The following ZNF100 variants were observed in gnomAD, a reference collection of about 807,000 sequenced individuals.
ZNF100 encodes zinc finger protein 100 (Y1).
A neutral mutation model predicts 15.8 loss-of-function variants in ZNF100; 12 were observed. The observed-to-expected ratio is 0.76, with a 90% CI of 0.49 to 1.23. The LOEUF (loss-of-function observed/expected upper bound fraction) is 1.23, where lower values mean the gene tolerates loss of function less well. Among genes scored for constraint, ZNF100 ranks in the 50% most tolerant of loss-of-function variants. The pLI is 0.00. For missense variants in ZNF100, 670 were observed against 635.6 expected, an observed-to-expected ratio of 1.05 and a Z score of -0.58; for synonymous variants, 226 against 214.8, an observed-to-expected ratio of 1.05 and a Z score of -0.45.
At chr19:21,744,696 G>A (rs2036179914) in intron 3 of ZNF100, among the ~76,000 whole-genome samples, 1 of 152,024 alleles carries the variant, frequency 6.6e-6, no homozygotes, top group African/African-American at 2.4e-5. Flanking sequence ...AATATTTTAT[G>A]ACACTAAATT....
rs1429673114 is a variant in ZNF100 at position 21,725,111 on chromosome 19, T to C, written c.*1572A>G. On this transcript the variant is annotated 3_prime_UTR_variant, in exon 5 of 5. Coordinates refer to ENST00000358296, the MANE Select transcript of ZNF100 (RefSeq NM_173531.4). ...ACAGAAATAATATTCTTTAACTTAT[T>C]TGCAGTCAAAGCCACTAGCAAAAGA... 4.6e-5 allele frequency: 7 copies of C among 152,134 alleles called. No homozygotes were observed. The highest frequency in any genetic ancestry group is 2.0e-4 in the Admixed American group (3 of 15,244). The allele number at this position is 152,134 out of a possible 1,614,324, so 9.4% of individuals were successfully genotyped here.
At chr19:21,745,516 T>TC (rs1204832422) in intron 2 of ZNF100, among the ~76,000 whole-genome samples, 1 of 151,796 alleles carries the variant, frequency 6.6e-6, no homozygotes, top group East Asian at 1.9e-4. Flanking sequence ...TGAATTTCTT[T>TC]CTTTTTTTTT....
intron 4 of ZNF100, among the ~76,000 whole-genome samples, chr19:21,728,846 A>G (rs1042078084): frequency 6.6e-6 from 1 of 151,986 alleles, no homozygotes; most frequent in African/African-American, 2.4e-5. Flanking sequence ...TAAATTGAAT[A>G]ATACTCAGTG....
Position 21,725,376 on chromosome 19 carries a change from T to A in ZNF100, c.*1307A>T, listed in dbSNP as rs867070770. 6.6e-6 allele frequency: 1 copy of A among 152,186 alleles called. No homozygotes were observed. The highest frequency in any genetic ancestry group is 2.4e-5 in the African/African-American group (1 of 41,462). The allele number at this position is 152,186 out of a possible 1,614,324, so 9.4% of individuals were successfully genotyped here. A position where few individuals can be genotyped will look rare whatever the true frequency, so the allele number is the denominator to read the frequency against. On this transcript the variant is annotated 3_prime_UTR_variant, in exon 5 of 5. Transcript: ENST00000358296. ...TTAGTAAAATATACTAATTTTAATT[T>A]ACTTATAAATGAAATTAAGTTTTCT...
intron 2 of ZNF100, among the ~76,000 whole-genome samples, chr19:21,745,804 G>A (rs1458660973): frequency 6.6e-6 from 1 of 152,082 alleles, no homozygotes; most frequent in African/African-American, 2.4e-5. Flanking sequence ...TTACAGGCGT[G>A]AGCCACCACG....
At chr19:21,752,347 T>A (rs2036321805) in intron 2 of ZNF100, 1 of 152,674 alleles carries the variant, frequency 6.5e-6, no homozygotes, top group African/African-American at 2.4e-5. Context: ...ATCAATGCAG[T>A]ATTGCCCTTA....
chr19:21,745,156 C>T (rs2036189797), intron 2 of ZNF100, 89 bp from the exon 3 acceptor site: 5 of 1,519,926 alleles, frequency 3.3e-6, no homozygotes, highest in African/African-American at 2.8e-5. Context: ...AATGACAGAG[C>T]AAAGAGAATT....
chr19:21,751,627 G>C (rs1447015119), intron 2 of ZNF100: 1 of 1,533,300 alleles, frequency 6.5e-7, no homozygotes, highest in African/African-American at 1.4e-5. Context: ...AGATCCTCAA[G>C]GACATTACAG....
In ZNF100 at chr19:21,738,031, A is replaced by T. The variant is rs1441713406; in HGVS notation, c.322+5986T>A. Among the ~76,000 whole-genome samples the T allele has an allele frequency of 2.0e-5, 3 of 152,018 alleles. No individual in the cohort carries two copies. In the East Asian group the frequency reaches 5.8e-4, roughly 29 times the overall value. The stretch of plus-strand genomic sequence containing the variant: ...TTTGAGAGGCTGAGGCGGGCAGATC[A>T]GCTGAGGTTAGGAGTTCAAGACCAG... On this transcript the variant is annotated intron_variant, in intron 4 of 4. Coordinates refer to ENST00000358296, the MANE Select transcript of ZNF100 (RefSeq NM_173531.4).
At chr19:21,731,470 G>T (rs529224777) in intron 4 of ZNF100, among the ~76,000 whole-genome samples, 6 of 151,922 alleles carry the variant, frequency 3.9e-5, no homozygotes, top group South Asian at 2.1e-4. Context: ...CACCATGCCT[G>T]GCTAATTTTT....
intron 3 of ZNF100, 147 bp downstream of exon 3, chr19:21,744,794 A>G (rs1739958337): frequency 1.5e-5 from 19 of 1,294,168 alleles, no homozygotes; most frequent in Middle Eastern, 3.9e-4. Context: ...TCTTGAATAC[A>G]TTCTTTTCCA....
chr19:21,761,193 C>T (rs2036478461), intron 2 of ZNF100, among the ~76,000 whole-genome samples: 1 of 152,088 alleles, frequency 6.6e-6, no homozygotes, highest in South Asian at 2.1e-4. Context: ...ATCACTGATC[C>T]TTTGTTTTGT....
At chr19:21,729,808 A>T (rs1052319135) in intron 4 of ZNF100, among the ~76,000 whole-genome samples, 1 of 152,102 alleles carries the variant, frequency 6.6e-6, no homozygotes, top group African/African-American at 2.4e-5. Flanking sequence ...AATATACAAC[A>T]TAAAAAGATA....
chr19:21,745,734 G>A (rs1326489392), intron 2 of ZNF100, among the ~76,000 whole-genome samples: 1 of 152,048 alleles, frequency 6.6e-6, no homozygotes, highest in East Asian at 1.9e-4. Flanking sequence ...TTGTTAGCCA[G>A]GATGGTCTCG....
rs763305626 is a variant in ZNF100, at chr19:21,723,360, CAAAAAAAAAAAAA to C, written c.*3310_*3322del. The stretch of plus-strand genomic sequence containing the variant: ...GGGCAACAAGAGTGAGACTCTGTCT[CAAAAAAAAAAAAA>C]AAAAAAAAAACAACCAACTTTCTCG... On this transcript the variant is annotated 3_prime_UTR_variant, in exon 5 of 5. Transcript: ENST00000358296. 3.8e-5 allele frequency: 2 copies of C among 52,816 alleles called. No individual in the cohort carries two copies. The highest frequency in any genetic ancestry group is 7.5e-5 in the African/African-American group (1 of 13,364). The allele number at this position is 52,816 out of a possible 1,614,324, so 3.3% of individuals were successfully genotyped here. A position where few individuals can be genotyped will look rare whatever the true frequency, so the allele number is the denominator to read the frequency against.
intron 4 of ZNF100, among the ~76,000 whole-genome samples, chr19:21,734,684 A>G (rs2035978413): frequency 6.6e-6 from 1 of 152,172 alleles, no homozygotes; most frequent in Non-Finnish European, 1.5e-5. Context: ...ACAGGCCATC[A>G]TTCAAATTCA....
At chr19:21,760,833 TG>T (rs35526731) in intron 2 of ZNF100, among the ~76,000 whole-genome samples, 11,698 of 147,202 alleles carry the variant, frequency 0.079, 561 homozygotes, top group South Asian at 0.18. Flanking sequence ...CTCGGCTCAC[TG>T]GAAGTTCCAC....
rs1164780135 is a variant in ZNF100, at chr19:21,727,855, CCA to C, written c.455_456del (p.Val152GlyfsTer2). ...TGTTCTTTGTGCACTTTACACTCAT[CCA>C]CACTTTTACAGCCTTTTTGTAACTG... ...NLQLQKGCKS[V>X]DECKVHKEHD... is the part of the protein sequence containing the mutation. On this transcript the variant is annotated frameshift_variant, in exon 5 of 5. Coordinates refer to ENST00000358296, the MANE Select transcript of ZNF100 (RefSeq NM_173531.4). LOFTEE classifies it low-confidence loss of function (END_TRUNC). 2.5e-6 allele frequency: 4 copies of C among 1,612,078 alleles called. No homozygotes were observed. In the African/African-American group the frequency reaches 5.4e-5, roughly 22 times the overall value.
intron 4 of ZNF100, among the ~76,000 whole-genome samples, chr19:21,732,308 A>G (rs1294075443): frequency 5.9e-5 from 9 of 152,262 alleles, no homozygotes; most frequent in Admixed American, 5.9e-4. Flanking sequence ...ATGTAGATTC[A>G]CAACAGATAT....
Sources: allele counts gnomAD v4.1 joint callset (sites outside exome capture counted in the v4.1 genomes callset), GRCh38; gene constraint gnomAD v4.1.1; transcripts MANE v1.5; gene names NCBI Gene and HGNC (gene_info 2026-07-23, HGNC 2026-07-21).